ENPP6: variants seen among roughly 807,000 people sequenced by gnomAD.
ENPP6 encodes the protein glycerophosphocholine cholinephosphodiesterase ENPP6.
ENPP6 carries 32 observed loss-of-function variants against 42.0 expected under a neutral mutation model. That is an observed-to-expected ratio of 0.76 (90% confidence interval 0.58 to 1.02). The LOEUF (loss-of-function observed/expected upper bound fraction) is 1.02, where lower values mean the gene tolerates loss of function less well. ENPP6 is among the 50% of genes least tolerant of loss of function. The pLI, the probability that ENPP6 is intolerant of heterozygous loss-of-function variation, is 0.00. For synonymous variants in ENPP6, 213 were observed against 216.0 expected, an observed-to-expected ratio of 0.99 and a Z score of 0.12; for missense variants, 552 against 566.8, an observed-to-expected ratio of 0.97 and a Z score of 0.27.
chr4:184,096,471 T>C (rs1188310359), intron 7 of ENPP6, among the ~76,000 whole-genome samples: 2 of 152,198 alleles, frequency 1.3e-5, no homozygotes, highest in African/African-American at 2.4e-5. Flanking sequence ...TGATGGTTGA[T>C]GGCTGTTGGA....
chr4:184,093,405 G>A (rs1481783326), intron 7 of ENPP6, among the ~76,000 whole-genome samples: 10 of 152,036 alleles, frequency 6.6e-5, no homozygotes, highest in African/African-American at 1.9e-4. Flanking sequence ...TTGGGAGGCC[G>A]AGGTGGGCAG....
intron 1 of ENPP6, among the ~76,000 whole-genome samples, chr4:184,156,029 A>G (rs1737154221): frequency 6.6e-6 from 1 of 152,192 alleles, no homozygotes; most frequent in Non-Finnish European, 1.5e-5. Context: ...AGAAACACAG[A>G]GGGAGACAGA....
intron 1 of ENPP6, among the ~76,000 whole-genome samples, chr4:184,211,353 A>C (rs1733105310): frequency 6.6e-6 from 1 of 152,180 alleles, no homozygotes; most frequent in African/African-American, 2.4e-5. Context: ...AGACTAATAA[A>C]GAAAAAAAGA....
intron 5 of ENPP6, among the ~76,000 whole-genome samples, chr4:184,113,945 TTCTTTCTTTCTTTCTTTCTC>T (rs1249617872): frequency 1.1e-4 from 17 of 148,982 alleles, no homozygotes; most frequent in Admixed American, 9.5e-4. Flanking sequence ...CTTTCTTTCT[TTCTTTCTTTCTTTCTTTCTC>T]TCTTTCTTTC....
intron 6 of ENPP6, among the ~76,000 whole-genome samples, chr4:184,104,601 A>G (rs1182145427): frequency 6.6e-6 from 1 of 152,210 alleles, no homozygotes; most frequent in East Asian, 1.9e-4. Flanking sequence ...AAGAATTTGT[A>G]CTTTCAACAC....
intron 1 of ENPP6, among the ~76,000 whole-genome samples, chr4:184,169,792 C>G (rs1356050297): frequency 1.3e-5 from 2 of 152,216 alleles, no homozygotes; most frequent in African/African-American, 4.8e-5. Flanking sequence ...TGATGACTAC[C>G]TACGTTTACC....
intron 1 of ENPP6, among the ~76,000 whole-genome samples, chr4:184,176,775 G>C (rs1356961514): frequency 6.6e-6 from 1 of 152,196 alleles, no homozygotes; most frequent in Non-Finnish European, 1.5e-5. Context: ...AAGCATAAGA[G>C]AGAACTATCA....
chr4:184,122,525 C>T (rs1736434758), intron 3 of ENPP6, among the ~76,000 whole-genome samples: 1 of 152,054 alleles, frequency 6.6e-6, no homozygotes, highest in African/African-American at 2.4e-5. Context: ...GCACTTATTC[C>T]CCGCTGCATG....
At chr4:184,176,253 C>T (rs1193591480) in intron 1 of ENPP6, among the ~76,000 whole-genome samples, 1 of 152,178 alleles carries the variant, frequency 6.6e-6, no homozygotes, top group Admixed American at 6.5e-5. Context: ...CTCCAAGCAT[C>T]GTCTTCATCG....
chr4:184,169,814 G>A (rs989169110), intron 1 of ENPP6, among the ~76,000 whole-genome samples: 2 of 152,244 alleles, frequency 1.3e-5, no homozygotes, highest in South Asian at 2.1e-4. Context: ...CTCACGAAGA[G>A]CTTACATTTA....
At position 184,090,935 on chromosome 4, in the gene ENPP6, T is replaced by G; in HGVS notation, c.*242A>C. The G allele has an allele frequency of 2.2e-6, 1 of 450,708 alleles. No individual in the cohort carries two copies. Among genetic ancestry groups the G allele is most frequent in the South Asian group, 6.3e-5 (1 of 15,884 alleles). The allele number at this position is 450,708 out of a possible 1,614,324, so 27.9% of individuals were successfully genotyped here. A position where few individuals can be genotyped will look rare whatever the true frequency, so the allele number is the denominator to read the frequency against. On this transcript the variant is annotated 3_prime_UTR_variant, in exon 8 of 8. Transcript: ENST00000296741. ...AGTAACGTGAAAAGAAAGGAGAAAA[T>G]GACATATAACTGCACAAATGGAAAG...
intron 2 of ENPP6, among the ~76,000 whole-genome samples, chr4:184,149,782 C>T (rs1736992309): frequency 6.6e-6 from 1 of 152,142 alleles, no homozygotes; most frequent in African/African-American, 2.4e-5. Context: ...TAAAAATAAA[C>T]TTAAAAACTG....
intron 1 of ENPP6, among the ~76,000 whole-genome samples, chr4:184,200,873 C>T (rs1435297479): frequency 6.6e-6 from 1 of 152,216 alleles, no homozygotes; most frequent in Non-Finnish European, 1.5e-5. Context: ...CACACATTCT[C>T]CCATGCACGT....
chr4:184,189,145 C>T (rs1732680517), intron 1 of ENPP6, among the ~76,000 whole-genome samples: 2 of 152,234 alleles, frequency 1.3e-5, no homozygotes, highest in African/African-American at 2.4e-5. Flanking sequence ...TAAATAGTTC[C>T]TCATGTATAT....
chr4:184,131,185 CT>C (rs369282263), intron 2 of ENPP6, among the ~76,000 whole-genome samples: 7 of 62,016 alleles, frequency 1.1e-4, no homozygotes, highest in African/African-American at 3.8e-4. Context: ...TTCTTTCTTT[CT>C]TTCTTTCTTT....
chr4:184,210,775 A>T (rs2111124613), intron 1 of ENPP6, among the ~76,000 whole-genome samples: 1 of 152,160 alleles, frequency 6.6e-6, no homozygotes, highest in East Asian at 1.9e-4. Context: ...CCAAATCAAC[A>T]GAATATACAT....
At chr4:184,101,304 TTGTGTGTGTGTGTG>T (rs56174532) in intron 6 of ENPP6, among the ~76,000 whole-genome samples, 23,069 of 137,018 alleles carry the variant, frequency 0.17, 1,939 homozygotes, top group African/African-American at 0.2. Context: ...GTGTGTGAGC[TTGTGTGTGTGTGTG>T]TGTGTGTGTG....
intron 1 of ENPP6, among the ~76,000 whole-genome samples, chr4:184,169,002 C>T (rs969643398): frequency 2.6e-5 from 4 of 151,958 alleles, no homozygotes; most frequent in African/African-American, 9.7e-5. Context: ...TTATTCTTGA[C>T]CCCAGCCCTT....
chr4:184,088,954 T>G lies in ENPP6; in HGVS notation c.*2223A>C, dbSNP rs1371502212. ...GCAAGACTGTGTCTAAGTTTATGCC[T>G]CTCTTGAGTTTGATGATCCAATTTT... On this transcript the variant is annotated 3_prime_UTR_variant, in exon 8 of 8. Transcript: ENST00000296741. 3 of 152,238 alleles carry G rather than the reference T, an allele frequency of 2.0e-5. No homozygotes were observed. In the East Asian group the frequency reaches 5.8e-4, roughly 29 times the overall value. The allele number at this position is 152,238 out of a possible 1,614,324, so 9.4% of individuals were successfully genotyped here. A position where few individuals can be genotyped will look rare whatever the true frequency, so the allele number is the denominator to read the frequency against.
Sources: allele counts gnomAD v4.1 joint callset (sites outside exome capture counted in the v4.1 genomes callset), GRCh38; gene constraint gnomAD v4.1.1; transcripts MANE v1.5; gene names NCBI Gene and HGNC (gene_info 2026-07-23, HGNC 2026-07-21).